COX15: variants seen among roughly 807,000 people sequenced by gnomAD.
COX15 encodes heme A synthase COX15.
COX15 carries 51 observed loss-of-function variants against 51.9 expected under a neutral mutation model. That is an observed-to-expected ratio of 0.98 (90% CI 0.78 to 1.24). The LOEUF (loss-of-function observed/expected upper bound fraction) is 1.24, where lower values mean the gene tolerates loss of function less well. Among genes scored for constraint, COX15 ranks in the 50% most tolerant of loss-of-function variants. The pLI, the probability that COX15 is intolerant of heterozygous loss-of-function variation, is 0.00. For synonymous variants in COX15, 188 were observed against 190.5 expected, an observed-to-expected ratio of 0.99 and a Z score of 0.11; for missense variants, 420 against 501.1, an observed-to-expected ratio of 0.84 and a Z score of 1.55.
the COX15 span, among the ~76,000 whole-genome samples, chr10:99,701,465 T>C: frequency 6.6e-6 from 1 of 151,762 alleles, no homozygotes; most frequent in East Asian, 2.0e-4. Flanking sequence ...TTTTTGTATT[T>C]TTTTGTAGAG....
chr10:99,729,880 A>C, intron 1 of COX15, 146 bp from the exon 2 acceptor site: 1 of 838,020 alleles, frequency 1.2e-6, no homozygotes, highest in African/African-American at 1.7e-5. Context: ...GGATTACTGC[A>C]TCAGCCTTCC....
chr10:99,695,447 G>A, the COX15 span, among the ~76,000 whole-genome samples: 2 of 151,972 alleles, frequency 1.3e-5, no homozygotes, highest in South Asian at 2.1e-4. Flanking sequence ...GCTTGAACCC[G>A]GGAGGCGGAG....
chr10:99,711,211 G>T lies in COX15; in HGVS notation c.*3376C>A. 2 of 985,248 alleles carry T rather than the reference G, an allele frequency of 2.0e-6. No homozygotes were observed. The highest frequency in any genetic ancestry group is 2.4e-6 in the Non-Finnish European group (2 of 829,848). The allele number at this position is 985,248 out of a possible 1,614,324, so 61.0% of individuals were successfully genotyped here. A position where few individuals can be genotyped will look rare whatever the true frequency, so the allele number is the denominator to read the frequency against. On this transcript the variant is annotated 3_prime_UTR_variant, in exon 9 of 9. Transcript: ENST00000016171. ...AATGTACTCATCATCTGTAATAAAA[G>T]AAAAATGAAGTAAAACATCTGAAAC...
chr10:99,729,793 C>T, intron 1 of COX15, 59 bp from the exon 2 acceptor site: 8 of 1,557,882 alleles, frequency 5.1e-6, no homozygotes, highest in Non-Finnish European at 7.0e-6. Context: ...GCTACCCACA[C>T]TCAACCCCAT....
chr10:99,698,496 C>CGTGT, the COX15 span: 1 of 1,472,894 alleles, frequency 6.8e-7, no homozygotes, highest in Non-Finnish European at 9.4e-7. Flanking sequence ...ACAGGCATGA[C>CGTGT]GTGTTTGTTT....
the COX15 span, among the ~76,000 whole-genome samples, chr10:99,700,067 C>T: frequency 6.6e-6 from 1 of 152,156 alleles, no homozygotes; most frequent in Non-Finnish European, 1.5e-5. Flanking sequence ...TCCTTTCTCT[C>T]CAGCCTCCAG....
At chr10:99,701,913 T>C in the COX15 span, among the ~76,000 whole-genome samples, 4 of 151,896 alleles carry the variant, frequency 2.6e-5, no homozygotes, top group African/African-American at 9.7e-5. Flanking sequence ...CAGGGTTTGG[T>C]GGCAGGTGCC....
At chr10:99,709,184 T>C, downstream of COX15, 1 of 985,428 alleles carries the variant, frequency 1.0e-6, no homozygotes, top group Non-Finnish European at 1.2e-6. Flanking sequence ...CTATTACATC[T>C]ACCTCATTAA....
Position 99,712,194 on chromosome 10 carries a change from G to A in COX15, c.*2393C>T, listed in dbSNP as rs977952576. The stretch of plus-strand genomic sequence containing the variant: ...CACTTTGAACATGAGATTTGGAGGG[G>A]ACAAAACATCCAAACCATATCACCA... On this transcript the variant is annotated 3_prime_UTR_variant, in exon 9 of 9. Transcript: ENST00000016171. 2.0e-6 allele frequency: 2 copies of A among 976,638 alleles called. No homozygotes were observed. The highest frequency in any genetic ancestry group is 2.4e-6 in the Non-Finnish European group (2 of 821,950). 60.5% of individuals were successfully genotyped at this position (976,638 alleles called of 1,614,324 possible). A position where few individuals can be genotyped will look rare whatever the true frequency, so the allele number is the denominator to read the frequency against.
At chr10:99,702,645 C>CTA in the COX15 span, 1 of 1,612,454 alleles carries the variant, frequency 6.2e-7, no homozygotes, top group African/African-American at 1.3e-5. Context: ...GGGAGCCATT[C>CTA]TATATAAAAC....
chr10:99,703,201 T>G, the COX15 span, among the ~76,000 whole-genome samples: 24 of 151,802 alleles, frequency 1.6e-4, no homozygotes, highest in Admixed American at 9.9e-4. Context: ...GGTAGCCTGA[T>G]ACCTTACTTT....
chr10:99,698,808 T>A, the COX15 span: 1 of 1,613,108 alleles, frequency 6.2e-7, no homozygotes, highest in Non-Finnish European at 8.5e-7. Flanking sequence ...AGAGGATGTG[T>A]TGCGCATTGG....
the COX15 span, chr10:99,700,995 C>G: frequency 2.5e-6 from 4 of 1,613,892 alleles, no homozygotes; most frequent in African/African-American, 5.3e-5. Flanking sequence ...ATGGCTTGGT[C>G]GGTACTAACT....
chr10:99,713,002 G>T lies in COX15; in HGVS notation c.*1585C>A. 1 of 1,115,346 alleles carries T rather than the reference G, an allele frequency of 9.0e-7. No homozygotes were observed. The allele number at this position is 1,115,346 out of a possible 1,614,324, so 69.1% of individuals were successfully genotyped here. ...TATTCCCTGTGTGACAGGGGTTCTGGACTCATCATTCTGATCTCTTCTTCT... is the reference window on the plus strand; with the variant it reads ...TATTCCCTGTGTGACAGGGGTTCTGTACTCATCATTCTGATCTCTTCTTCT... On this transcript the variant is annotated 3_prime_UTR_variant, in exon 9 of 9. Coordinates refer to ENST00000016171, the MANE Select transcript of COX15 (RefSeq NM_078470.6).
At chr10:99,731,190 A>G (rs779388737) in intron 1 of COX15, among the ~76,000 whole-genome samples, 39 of 152,216 alleles carry the variant, frequency 2.6e-4, no homozygotes, top group Non-Finnish European at 4.6e-4. Context: ...GTTGTTATGC[A>G]GCACATCACT....
the COX15 span, chr10:99,697,732 CT>C: frequency 6.1e-6 from 1 of 163,568 alleles, no homozygotes; most frequent in Non-Finnish European, 1.4e-5. Context: ...CACCCTCGGT[CT>C]TTACACCTGT....
chr10:99,711,672 G>A lies in COX15; in HGVS notation c.*2915C>T. 1.0e-6 allele frequency: 1 copy of A among 985,388 alleles called. No individual in the cohort carries two copies. The highest frequency in any genetic ancestry group is 1.2e-6 in the Non-Finnish European group (1 of 829,908). The allele number at this position is 985,388 out of a possible 1,614,324, so 61.0% of individuals were successfully genotyped here. On this transcript the variant is annotated 3_prime_UTR_variant, in exon 9 of 9. Coordinates refer to ENST00000016171, the MANE Select transcript of COX15 (RefSeq NM_078470.6). The stretch of plus-strand genomic sequence containing the variant: ...TTGTGACTTAATTGGTCTTAGATGA[G>A]GCTTGGGCTTTGGGATTTTTCTAAG...
In COX15 at chr10:99,727,685, C is replaced by A. The variant is rs1009529257; in HGVS notation, c.273-122G>T. The A allele has an allele frequency of 1.9e-5, 23 of 1,240,402 alleles. No homozygotes were observed. In the African/African-American group the frequency reaches 2.8e-4, roughly 15 times the overall value. The allele number at this position is 1,240,402 out of a possible 1,614,324, so 76.8% of individuals were successfully genotyped here. On this transcript the variant is annotated intron_variant, in intron 2 of 8. Coordinates refer to ENST00000016171, the MANE Select transcript of COX15 (RefSeq NM_078470.6). ...AGGTAAACACATTGTTTCCTTGTTT[C>A]CTCTTTTGAGACATTTCTCTGTTAC...
chr10:99,695,873 A>T, the COX15 span: 1 of 1,290,558 alleles, frequency 7.7e-7, no homozygotes, highest in Non-Finnish European at 1.1e-6. Flanking sequence ...ATAGAAATGA[A>T]GCCTCGTGTA....
Sources: allele counts gnomAD v4.1 joint callset (sites outside exome capture counted in the v4.1 genomes callset), GRCh38; gene constraint gnomAD v4.1.1; transcripts MANE v1.5; gene names NCBI Gene and HGNC (gene_info 2026-07-23, HGNC 2026-07-21).